Variants in MGAT4C observed in about 807,000 individuals in gnomAD.
The protein encoded by MGAT4C is MGAT4 family member C.
In MGAT4C, 19 loss-of-function variants were observed where a neutral mutation model predicts 40.1. The ratio of observed to expected loss-of-function variants is 0.47; its 90% CI spans 0.33 to 0.70. The LOEUF (loss-of-function observed/expected upper bound fraction) is 0.70, where lower values mean the gene tolerates loss of function less well. Among genes scored for constraint, MGAT4C ranks in the 30% least tolerant of loss-of-function variants. The probability of loss-of-function intolerance (pLI) is 0.02; values close to 1 mark genes in which losing one functional copy is unlikely to be tolerated. For missense variants in MGAT4C, 491 were observed against 563.2 expected, an observed-to-expected ratio of 0.87 and a Z score of 1.30; for synonymous variants, 181 against 187.1, an observed-to-expected ratio of 0.97 and a Z score of 0.27.
At chr12:86,198,795 T>C (rs998333556) in intron 1 of MGAT4C, among the ~76,000 whole-genome samples, 5 of 152,154 alleles carry the variant, frequency 3.3e-5, no homozygotes, top group African/African-American at 4.8e-5. Context: ...CATTTACCGG[T>C]TGAAAATTCC....
At chr12:86,086,237 C>T (rs1871818998) in intron 1 of MGAT4C, among the ~76,000 whole-genome samples, 5 of 151,996 alleles carry the variant, frequency 3.3e-5, no homozygotes, top group Admixed American at 2.6e-4. Context: ...ATGTCTTTTG[C>T]AAGGACATGG....
intron 3 of MGAT4C, among the ~76,000 whole-genome samples, chr12:86,365,401 C>A (rs1050513709): frequency 6.6e-6 from 1 of 152,094 alleles, no homozygotes; most frequent in African/African-American, 2.4e-5. Flanking sequence ...GGGCCTGAGG[C>A]AACATACATC....
rs535203075 is a variant in MGAT4C at position 86,810,532 on chromosome 12, C to A, written c.-262+28134G>T. Among the ~76,000 whole-genome samples the A allele has an allele frequency of 4.0e-5, 6 of 151,812 alleles. No individual in the cohort carries two copies. In the South Asian group the frequency reaches 1.2e-3, roughly 32 times the overall value. ...TGTATTTCTAACTTTTTAAGAGCTTCTATCATGAATGGTTATTGGATTTTG... is the reference window on the plus strand; with the variant it reads ...TGTATTTCTAACTTTTTAAGAGCTTATATCATGAATGGTTATTGGATTTTG... On this transcript the variant is annotated intron_variant, in intron 1 of 7. Coordinates refer to the MGAT4C transcript ENST00000548651.
intron 4 of MGAT4C, among the ~76,000 whole-genome samples, chr12:86,308,767 C>A (rs1438652272): frequency 6.6e-6 from 1 of 150,438 alleles, no homozygotes; most frequent in South Asian, 2.1e-4. Context: ...AGTATGAACC[C>A]ACTATGGTTG....
At chr12:86,012,778 A>AACAACAACAACC (rs1308194133) in intron 2 of MGAT4C, among the ~76,000 whole-genome samples, 12 of 136,452 alleles carry the variant, frequency 8.8e-5, no homozygotes, top group East Asian at 4.9e-4. Context: ...CAACAACAAC[A>AACAACAACAACC]ACCACCACCA....
chr12:86,315,332 C>T (rs919689765), intron 4 of MGAT4C, among the ~76,000 whole-genome samples: 19 of 152,164 alleles, frequency 1.2e-4, no homozygotes, highest in African/African-American at 3.9e-4. Flanking sequence ...TGAAACTGGA[C>T]ACATACCTCT....
intron 1 of MGAT4C, among the ~76,000 whole-genome samples, chr12:86,214,315 C>G (rs1950590199): frequency 6.6e-6 from 1 of 152,194 alleles, no homozygotes; most frequent in South Asian, 2.1e-4. Context: ...AATTAGGTCA[C>G]CTATGCTAAT....
intron 2 of MGAT4C, among the ~76,000 whole-genome samples, chr12:86,439,624 A>G (rs180945775): frequency 2.6e-4 from 39 of 152,104 alleles, no homozygotes; most frequent in Non-Finnish European, 4.7e-4. Context: ...CAACAACAAC[A>G]AAGATCAGAG....
chr12:86,556,440 T>C (rs1385659282), intron 2 of MGAT4C, among the ~76,000 whole-genome samples: 1 of 152,148 alleles, frequency 6.6e-6, no homozygotes, highest in African/African-American at 2.4e-5. Context: ...TTTTACATTT[T>C]TGCTCTACCA....
At chr12:86,276,846 T>G (rs2136113278) in intron 4 of MGAT4C, among the ~76,000 whole-genome samples, 1 of 152,368 alleles carries the variant, frequency 6.6e-6, no homozygotes, top group Admixed American at 6.5e-5. Context: ...TGATGGACAC[T>G]TAGCTTCCCT....
chr12:86,517,182 T>C (rs1430530174), intron 2 of MGAT4C, among the ~76,000 whole-genome samples: 1 of 152,190 alleles, frequency 6.6e-6, no homozygotes, highest in African/African-American at 2.4e-5. Context: ...TTGATGTTGA[T>C]GAAAATGTTC....
chr12:86,073,873 G>A (rs1039136529), intron 1 of MGAT4C, among the ~76,000 whole-genome samples: 2 of 152,098 alleles, frequency 1.3e-5, no homozygotes, highest in African/African-American at 4.8e-5. Context: ...ATAAGACTTT[G>A]GGGGACTGTT....
intron 3 of MGAT4C, among the ~76,000 whole-genome samples, chr12:86,338,383 G>A (rs1954834208): frequency 6.6e-6 from 1 of 152,114 alleles, no homozygotes; most frequent in Non-Finnish European, 1.5e-5. Context: ...CTGCTCTTGG[G>A]AGCAGTTTAG....
chr12:86,227,137 C>T (rs1951120868), intron 1 of MGAT4C, among the ~76,000 whole-genome samples: 1 of 151,932 alleles, frequency 6.6e-6, no homozygotes, highest in East Asian at 1.9e-4. Context: ...TGACACATTT[C>T]ATCACTACAT....
intron 4 of MGAT4C, among the ~76,000 whole-genome samples, chr12:86,307,485 G>A (rs1258323626): frequency 6.7e-6 from 1 of 150,306 alleles, no homozygotes; most frequent in Non-Finnish European, 1.5e-5. Context: ...GCCATGAGCT[G>A]GAACTAATCA....
chr12:86,029,808 T>C (rs2136899966), intron 2 of MGAT4C, among the ~76,000 whole-genome samples: 1 of 151,930 alleles, frequency 6.6e-6, no homozygotes, highest in South Asian at 2.1e-4. Context: ...GATGAATGTG[T>C]GTAATTCAAG....
At chr12:86,509,492 C>G (rs143216683) in intron 2 of MGAT4C, among the ~76,000 whole-genome samples, 1 of 151,974 alleles carries the variant, frequency 6.6e-6, no homozygotes, top group Admixed American at 6.6e-5. Flanking sequence ...AGTCAGGTAG[C>G]GTGATGCCTC....
chr12:86,139,124 C>A (rs529314646), intron 1 of MGAT4C, among the ~76,000 whole-genome samples: 4 of 152,190 alleles, frequency 2.6e-5, no homozygotes, highest in East Asian at 1.9e-4. Flanking sequence ...AAAATATTTT[C>A]TTTGCATCTA....
intron 1 of MGAT4C, among the ~76,000 whole-genome samples, chr12:86,766,373 C>T (rs1261375953): frequency 2.6e-5 from 4 of 152,034 alleles, no homozygotes; most frequent in African/African-American, 7.2e-5. Flanking sequence ...TAAAGCAAGT[C>T]CTGAGTGACT....
Sources: gnomAD v4.1 joint callset for allele counts (sites outside exome capture counted in the v4.1 genomes callset) on GRCh38, gnomAD v4.1.1 for gene constraint, MANE v1.5 for transcripts, NCBI Gene and HGNC (gene_info 2026-07-23, HGNC 2026-07-21) for gene names.